LIMA1: variants seen among roughly 807,000 people sequenced by gnomAD.
LIMA1 encodes the protein LIM domain and actin-binding protein 1.
A neutral mutation model predicts 62.6 loss-of-function variants in LIMA1; 52 were observed. The observed-to-expected ratio is 0.83, with a 90% CI of 0.67 to 1.05. LIMA1 has a LOEUF of 1.05. Among genes scored for constraint, LIMA1 ranks in the 50% least tolerant of loss-of-function variants. LIMA1 has a pLI of 0.00. For synonymous variants in LIMA1, 302 were observed against 317.8 expected, an observed-to-expected ratio of 0.95 and a Z score of 0.53; for missense variants, 780 against 902.2, an observed-to-expected ratio of 0.86 and a Z score of 1.74.
chr12:50,188,131 CT>C lies in LIMA1; in HGVS notation c.1140+4320del, dbSNP rs762852802. On this transcript the variant is annotated intron_variant, in intron 9 of 10. Coordinates refer to ENST00000341247, the MANE Select transcript of LIMA1 (RefSeq NM_016357.5). The stretch of plus-strand genomic sequence containing the variant: ...TATCATTTCTTTTTACTTTATTAAG[CT>C]AAAATTTGAAATGAATTGAATCTCT... The C allele has an allele frequency of 3.1e-4, 47 of 152,130 alleles. 1 individual carries two copies. Among genetic ancestry groups the C allele is most frequent in the Non-Finnish European group, 5.4e-4 (37 of 68,016 alleles). The allele number at this position is 152,130 out of a possible 1,614,324, so 9.4% of individuals were successfully genotyped here.
chr12:50,265,488 C>T (rs532419842), intron 1 of LIMA1, among the ~76,000 whole-genome samples: 1 of 151,554 alleles, frequency 6.6e-6, no homozygotes, highest in East Asian at 1.9e-4. Flanking sequence ...CCATTGCACA[C>T]CAGCCTGGGC....
At chr12:50,269,392 T>C (rs553139639) in intron 1 of LIMA1, among the ~76,000 whole-genome samples, 132 of 152,288 alleles carry the variant, frequency 8.7e-4, no homozygotes, top group Admixed American at 3.6e-3. Flanking sequence ...GAGGTTGGCC[T>C]GGAAACAAAA....
chr12:50,278,262 TA>T (rs911491754), intron 1 of LIMA1, among the ~76,000 whole-genome samples: 44 of 144,946 alleles, frequency 3.0e-4, no homozygotes, highest in South Asian at 2.2e-4. Context: ...CTACTAAAAA[TA>T]AAAAAAAAAA....
At chr12:50,231,381 ATT>A (rs977800715) in intron 3 of LIMA1, among the ~76,000 whole-genome samples, 4 of 152,244 alleles carry the variant, frequency 2.6e-5, no homozygotes, top group African/African-American at 9.6e-5. Context: ...CTGTGTTCTC[ATT>A]TGAGTAGAAG....
chr12:50,280,631 C>A (rs1042901672), intron 1 of LIMA1, among the ~76,000 whole-genome samples: 1 of 152,100 alleles, frequency 6.6e-6, no homozygotes, highest in African/African-American at 2.4e-5. Context: ...AAACTCCATC[C>A]TTTTTATGAA....
chr12:50,193,013 C>T (rs1397775074), intron 8 of LIMA1, among the ~76,000 whole-genome samples: 15 of 150,618 alleles, frequency 1.0e-4, no homozygotes, highest in East Asian at 7.8e-4. Context: ...TGCGCGCGTG[C>T]GCGCATTTGT....
intron 8 of LIMA1, among the ~76,000 whole-genome samples, chr12:50,193,140 T>C (rs946423074): frequency 6.6e-6 from 1 of 152,186 alleles, no homozygotes; most frequent in African/African-American, 2.4e-5. Context: ...TCCAACTACA[T>C]GAGTTACTTT....
intron 2 of LIMA1, among the ~76,000 whole-genome samples, chr12:50,245,890 G>A (rs1200729656): frequency 6.6e-6 from 1 of 152,110 alleles, no homozygotes; most frequent in East Asian, 1.9e-4. Context: ...AGATATAGAA[G>A]AGTAGCAACC....
At chr12:50,195,461 A>G (rs1203206383) in intron 8 of LIMA1, among the ~76,000 whole-genome samples, 1 of 152,168 alleles carries the variant, frequency 6.6e-6, no homozygotes, top group Non-Finnish European at 1.5e-5. Context: ...TATTCACTAA[A>G]GAATAGGTAT....
At chr12:50,263,898 A>T (rs980716161) in intron 1 of LIMA1, among the ~76,000 whole-genome samples, 8 of 86,974 alleles carry the variant, frequency 9.2e-5, no homozygotes, top group African/African-American at 3.0e-4. Flanking sequence ...ATATATATAA[A>T]GTATGTATAT....
chr12:50,178,266 G>A (rs1234890624), intron 10 of LIMA1, among the ~76,000 whole-genome samples, 197 bp from the exon 11 acceptor site: 1 of 152,138 alleles, frequency 6.6e-6, no homozygotes, highest in Non-Finnish European at 1.5e-5. Flanking sequence ...CAAAGCACGG[G>A]TTGGGTGCAG....
At chr12:50,213,133 A>G (rs1470131944) in intron 4 of LIMA1, among the ~76,000 whole-genome samples, 3 of 152,166 alleles carry the variant, frequency 2.0e-5, no homozygotes, top group African/African-American at 7.2e-5. Flanking sequence ...CCAGGTCCCA[A>G]ACTCACAAGC....
At chr12:50,240,533 G>T (rs1172409932) in intron 2 of LIMA1, among the ~76,000 whole-genome samples, 4 of 152,132 alleles carry the variant, frequency 2.6e-5, no homozygotes, top group Admixed American at 6.6e-5. Flanking sequence ...AATCAGTAGG[G>T]TAGTAATCAG....
intron 3 of LIMA1, among the ~76,000 whole-genome samples, chr12:50,229,472 C>T (rs1198364648): frequency 1.3e-5 from 2 of 152,042 alleles, no homozygotes; most frequent in Non-Finnish European, 2.9e-5. Flanking sequence ...TGTTCTTACT[C>T]ACAGGTGGGA....
chr12:50,254,991 C>A (rs1161188654), intron 1 of LIMA1, among the ~76,000 whole-genome samples: 3 of 151,768 alleles, frequency 2.0e-5, no homozygotes, highest in African/African-American at 7.3e-5. Context: ...TCACTGCACT[C>A]CAGCCTGGGC....
At chr12:50,231,629 G>T (rs1941612293) in intron 3 of LIMA1, 36 bp downstream of exon 3, 1 of 1,606,496 alleles carries the variant, frequency 6.2e-7, no homozygotes, top group Middle Eastern at 1.7e-4. Context: ...TTCTGCTCAA[G>T]AAGTGCCACA....
intron 2 of LIMA1, among the ~76,000 whole-genome samples, chr12:50,238,088 T>C (rs1342846247): frequency 6.6e-6 from 1 of 152,222 alleles, no homozygotes; most frequent in Non-Finnish European, 1.5e-5. Flanking sequence ...TTTTTTCATC[T>C]TATTTTAATT....
intron 5 of LIMA1, 61 bp downstream of exon 5, chr12:50,205,923 A>G: frequency 8.0e-7 from 1 of 1,248,454 alleles, no homozygotes; most frequent in South Asian, 1.5e-5. Context: ...CGAGTCCAAA[A>G]GATGTTACTA....
intron 1 of LIMA1, among the ~76,000 whole-genome samples, chr12:50,259,763 C>T (rs1942042106): frequency 6.6e-6 from 1 of 152,132 alleles, no homozygotes; most frequent in African/African-American, 2.4e-5. Context: ...TGAATCTAGA[C>T]AATAGCACAA....
Sources: gnomAD v4.1 joint callset for allele counts (sites outside exome capture counted in the v4.1 genomes callset) on GRCh38, gnomAD v4.1.1 for gene constraint, MANE v1.5 for transcripts, NCBI Gene and HGNC (gene_info 2026-07-23, HGNC 2026-07-21) for gene names.